The following PGM1 variants were observed in gnomAD, a reference collection of about 807,000 sequenced individuals.
PGM1 encodes the protein phosphoglucomutase-1.
A neutral mutation model predicts 55.6 loss-of-function variants in PGM1; 52 were observed. The ratio of observed to expected loss-of-function variants is 0.94; its 90% CI spans 0.75 to 1.18. The LOEUF (loss-of-function observed/expected upper bound fraction) is 1.18. PGM1 is among the 50% of genes most tolerant of loss of function. The probability of loss-of-function intolerance (pLI) is 0.00; values close to 1 mark genes in which losing one functional copy is unlikely to be tolerated. For synonymous variants in PGM1, 287 were observed against 271.7 expected (o/e 1.06, Z -0.55); for missense variants, 724 against 729.3 (o/e 0.99, Z 0.08).
At chr1:63,623,598 T>G in intron 1 of PGM1, 1 of 1,612,820 alleles carries the variant, frequency 6.2e-7, no homozygotes, top group Non-Finnish European at 8.5e-7. Flanking sequence ...AAACCTATTA[T>G]TTTGAGGAAA....
intron 2 of PGM1, 94 bp downstream of exon 2, chr1:63,629,681 T>A: frequency 7.7e-7 from 1 of 1,291,014 alleles, no homozygotes; most frequent in Non-Finnish European, 1.1e-6. Context: ...TTGGTTCTGA[T>A]CCTTTGCAGG....
intron 1 of PGM1, among the ~76,000 whole-genome samples, chr1:63,619,771 A>T (rs1231436593): frequency 6.6e-6 from 1 of 152,130 alleles, no homozygotes; most frequent in Non-Finnish European, 1.5e-5. Flanking sequence ...TCAGGATAGC[A>T]CCAAGGCCAT....
intron 1 of PGM1, chr1:63,594,246 C>G: frequency 3.6e-6 from 2 of 560,856 alleles, no homozygotes; most frequent in Non-Finnish European, 4.5e-6. Flanking sequence ...GAGCCCGACA[C>G]TGTGGGGCAA....
chr1:63,595,567 C>G (rs1648038249), intron 1 of PGM1, among the ~76,000 whole-genome samples: 1 of 151,976 alleles, frequency 6.6e-6, no homozygotes, highest in African/African-American at 2.4e-5. Context: ...CGCAAATTCC[C>G]ATGAAAGAAG....
At position 63,636,348 on chromosome 1, in the gene PGM1, G is replaced by C. The variant is rs777164338; in HGVS notation, c.988G>C (p.Gly330Arg). 193 of 1,613,970 alleles carry C rather than the reference G, an allele frequency of 1.2e-4. No homozygotes were observed. Among genetic ancestry groups the C allele is most frequent in the Non-Finnish European group, 1.6e-4 (185 of 1,180,012 alleles). ...GTATTTCCAGCAGACTGGGGTCCGC[G>C]GCTTTGCACGGAGCATGCCCACGAG... is the stretch of plus-strand genomic sequence containing the variant. The part of the protein sequence containing the change: ...IPYFQQTGVR[G>R]FARSMPTSGA... The change falls in exon 6 of 11, where the codon GGC becomes CGC. Residue 330 changes from glycine (G) to arginine (R), a missense_variant. By Grantham distance (125) the Gly-to-Arg change is moderately radical. Coordinates refer to ENST00000371084, the MANE Select transcript of PGM1 (RefSeq NM_002633.3).
At chr1:63,608,019 G>A (rs1315927452) in intron 1 of PGM1, among the ~76,000 whole-genome samples, 2 of 152,190 alleles carry the variant, frequency 1.3e-5, no homozygotes, top group Non-Finnish European at 2.9e-5. Flanking sequence ...AGAAAGTGCC[G>A]CAGACAGTAA....
chr1:63,632,850 A>G (rs1649233468), intron 4 of PGM1, among the ~76,000 whole-genome samples: 1 of 152,012 alleles, frequency 6.6e-6, no homozygotes, highest in Admixed American at 6.5e-5. Flanking sequence ...ATCTCTATAA[A>G]AGTCTCTATA....
intron 1 of PGM1, among the ~76,000 whole-genome samples, chr1:63,625,645 T>C (rs771555309): frequency 1.3e-5 from 2 of 152,236 alleles, no homozygotes. Context: ...TCATTTTCTT[T>C]AATACCCACT....
chr1:63,654,419 A>T lies in PGM1; in HGVS notation c.1552A>T (p.Ile518Phe). 3 of 1,614,056 alleles carry T rather than the reference A, an allele frequency of 1.9e-6. No homozygotes were observed. Among genetic ancestry groups the T allele is most frequent in the Non-Finnish European group, 2.5e-6 (3 of 1,179,962 alleles). The part of the protein sequence containing the change: ...GSAGATIRLY[I>F]DSYEKDVAKI... ...TGCCGGGGCCACCATTCGGCTGTAC[A>T]TCGATAGCTATGAGAAGGACGTTGC... The change falls in exon 10 of 11, where the codon ATC (isoleucine) becomes TTC (phenylalanine). Residue 518 changes from isoleucine to phenylalanine, a missense_variant. Transcript: ENST00000371084.
At chr1:63,612,132 C>G (rs1648584058) in intron 1 of PGM1, among the ~76,000 whole-genome samples, 1 of 151,926 alleles carries the variant, frequency 6.6e-6, no homozygotes, top group Non-Finnish European at 1.5e-5. Context: ...TGGCGCGTGC[C>G]TGTAATCCCA....
chr1:63,630,215 G>C lies in PGM1; in HGVS notation c.556+127G>C, dbSNP rs561103220. The C allele has an allele frequency of 1.4e-3, 1,436 of 993,568 alleles. 6 individuals are homozygous for C. Among genetic ancestry groups the C allele is most frequent in the Non-Finnish European group, 1.8e-3 (1,095 of 625,162 alleles). 61.5% of individuals were successfully genotyped at this position (993,568 alleles called of 1,614,324 possible). A position where few individuals can be genotyped will look rare whatever the true frequency, so the allele number is the denominator to read the frequency against. The stretch of plus-strand genomic sequence containing the variant: ...CGTGAGTGCTCTGTAAGCTTTGCAA[G>C]TGTTAGTTAATTAACAAGTCTGGAA... On this transcript the variant is annotated intron_variant, in intron 3 of 10. Transcript: ENST00000371084.
intron 1 of PGM1, among the ~76,000 whole-genome samples, chr1:63,615,426 C>T (rs1648682161): frequency 6.6e-6 from 1 of 152,082 alleles, no homozygotes; most frequent in African/African-American, 2.4e-5. Context: ...CTCTTTGTGG[C>T]CACCTTCTTT....
chr1:63,623,356 G>C, intron 1 of PGM1: 2 of 1,518,100 alleles, frequency 1.3e-6, no homozygotes, highest in Non-Finnish European at 8.8e-7. Context: ...CTCTATTTTA[G>C]TTACTCATAC....
At chr1:63,653,262 A>C (rs1486387284) in intron 9 of PGM1, among the ~76,000 whole-genome samples, 1 of 152,232 alleles carries the variant, frequency 6.6e-6, no homozygotes, top group Admixed American at 6.5e-5. Flanking sequence ...AACATCTGCA[A>C]TCTAGTGAAA....
At chr1:63,596,728 C>G (rs960860296) in intron 1 of PGM1, among the ~76,000 whole-genome samples, 4 of 152,196 alleles carry the variant, frequency 2.6e-5, no homozygotes, top group Admixed American at 1.3e-4. Flanking sequence ...CTATTAAGTG[C>G]TCCTTTCCCA....
At chr1:63,625,509 C>G (rs1648993460) in intron 1 of PGM1, among the ~76,000 whole-genome samples, 1 of 152,202 alleles carries the variant, frequency 6.6e-6, no homozygotes, top group South Asian at 2.1e-4. Flanking sequence ...GATTTCTTCT[C>G]TTTCTAACAT....
intron 1 of PGM1, among the ~76,000 whole-genome samples, chr1:63,604,242 A>G (rs1325478524): frequency 1.3e-5 from 2 of 152,218 alleles, no homozygotes. Context: ...CTGTTGTAAC[A>G]GACACTCAAA....
At chr1:63,619,946 C>T (rs376054764) in intron 1 of PGM1, among the ~76,000 whole-genome samples, 10 of 152,150 alleles carry the variant, frequency 6.6e-5, no homozygotes, top group South Asian at 2.1e-4. Context: ...AGGCAATCTT[C>T]GCAAAAACCT....
At chr1:63,641,376 G>T (rs1273029455) in intron 7 of PGM1, among the ~76,000 whole-genome samples, 2 of 152,218 alleles carry the variant, frequency 1.3e-5, no homozygotes, top group Non-Finnish European at 2.9e-5. Context: ...GATCGCTGTT[G>T]TGAACGAGTG....
Sources: allele counts gnomAD v4.1 joint callset (sites outside exome capture counted in the v4.1 genomes callset), GRCh38; gene constraint gnomAD v4.1.1; transcripts MANE v1.5; gene names NCBI Gene and HGNC (gene_info 2026-07-23, HGNC 2026-07-21).